Variants in C2orf49 observed in about 807,000 individuals in gnomAD.
C2orf49 encodes tRNA-splicing ligase complex subunit ASW.
C2orf49 carries 11 observed loss-of-function variants against 20.6 expected under a neutral mutation model. The ratio of observed to expected loss-of-function variants is 0.53; its 90% CI spans 0.34 to 0.88. The LOEUF is 0.88. Among genes scored for constraint, C2orf49 ranks in the 40% least tolerant of loss-of-function variants. The probability of loss-of-function intolerance (pLI) is 0.02; values close to 1 mark genes in which losing one functional copy is unlikely to be tolerated. For synonymous variants in C2orf49, 134 were observed against 108.5 expected (o/e 1.24, Z -1.46); for missense variants, 289 against 274.2 (o/e 1.05, Z -0.38).
the C2orf49 span, among the ~76,000 whole-genome samples, chr2:105,370,096 G>A: frequency 9.9e-5 from 15 of 152,194 alleles, no homozygotes; most frequent in Non-Finnish European, 1.6e-4. Context: ...AAATGAGGCT[G>A]GCTGCGGTGC....
chr2:105,344,551 T>TA (rs1679760327), intron 3 of C2orf49, among the ~76,000 whole-genome samples: 1 of 152,062 alleles, frequency 6.6e-6, no homozygotes, highest in Non-Finnish European at 1.5e-5. Context: ...TTCTTCTTAT[T>TA]AACATTTCCC....
the C2orf49 span, among the ~76,000 whole-genome samples, chr2:105,379,888 G>A: frequency 5.3e-5 from 8 of 152,316 alleles, no homozygotes; most frequent in Admixed American, 1.3e-4. Flanking sequence ...CATGTGCCAC[G>A]CCGGCGACCT....
chr2:105,341,558 T>C (rs904451349), intron 2 of C2orf49, among the ~76,000 whole-genome samples: 1 of 152,234 alleles, frequency 6.6e-6, no homozygotes, highest in Non-Finnish European at 1.5e-5. Context: ...AAGCAAGCTG[T>C]CAAACCCTGC....
At chr2:105,384,042 G>A in the C2orf49 span, among the ~76,000 whole-genome samples, 6 of 152,292 alleles carry the variant, frequency 3.9e-5, no homozygotes, top group East Asian at 5.8e-4. Context: ...AAGGATGACG[G>A]CTTTTAAGGG....
chr2:105,361,248 G>A, the C2orf49 span: 3 of 1,593,412 alleles, frequency 1.9e-6, no homozygotes, highest in Middle Eastern at 1.7e-4. Flanking sequence ...AAATCTGTGT[G>A]TGAGATCACA....
the C2orf49 span, among the ~76,000 whole-genome samples, chr2:105,371,653 C>T: frequency 6.6e-6 from 1 of 151,900 alleles, no homozygotes; most frequent in African/African-American, 2.4e-5. Flanking sequence ...CACAGAAAGT[C>T]AAGACAGGTG....
At chr2:105,361,147 G>T in the C2orf49 span, 1 of 870,008 alleles carries the variant, frequency 1.1e-6, no homozygotes, top group Non-Finnish European at 1.8e-6. Flanking sequence ...TTAAGCAAAC[G>T]TGAGTATCAC....
chr2:105,358,384 G>C, the C2orf49 span: 16 of 152,406 alleles, frequency 1.0e-4, no homozygotes, highest in Non-Finnish European at 8.8e-5. Context: ...CTCCCAATGT[G>C]GAGCCTCCGC....
the C2orf49 span, among the ~76,000 whole-genome samples, chr2:105,364,154 G>C: frequency 6.6e-6 from 1 of 152,174 alleles, no homozygotes; most frequent in African/African-American, 2.4e-5. Context: ...TACTCAGGAG[G>C]CTAAGGCAGG....
chr2:105,376,873 G>C, the C2orf49 span: 1 of 152,238 alleles, frequency 6.6e-6, no homozygotes, highest in Non-Finnish European at 1.5e-5. Context: ...CAGCATGGAT[G>C]AATCTTGAGG....
At position 105,347,866 on chromosome 2, in the gene C2orf49, C is replaced by G. The variant is rs1206677630; in HGVS notation, c.*2495C>G. ...CTAACATGAGGCGGGTAATGTTGCT[C>G]TAGATTCTATATTCCAGTAAAGCCA... On this transcript the variant is annotated 3_prime_UTR_variant, in exon 4 of 4. Transcript: ENST00000258457. 4.6e-5 allele frequency: 7 copies of G among 152,146 alleles called. No homozygotes were observed. Among genetic ancestry groups the G allele is most frequent in the Non-Finnish European group, 8.8e-5 (6 of 68,040 alleles). The allele number at this position is 152,146 out of a possible 1,614,324, so 9.4% of individuals were successfully genotyped here.
At chr2:105,340,233 G>A (rs1247759495) in intron 2 of C2orf49, among the ~76,000 whole-genome samples, 2 of 152,224 alleles carry the variant, frequency 1.3e-5, no homozygotes, top group African/African-American at 4.8e-5. Flanking sequence ...ATCATGTAAA[G>A]CTTTGTAAGT....
At chr2:105,365,201 C>T in the C2orf49 span, among the ~76,000 whole-genome samples, 11 of 152,290 alleles carry the variant, frequency 7.2e-5, no homozygotes, top group South Asian at 2.3e-3. Flanking sequence ...TCCCTCCATT[C>T]CACACTCTGC....
the C2orf49 span, among the ~76,000 whole-genome samples, chr2:105,356,207 G>A: frequency 2.6e-5 from 4 of 152,086 alleles, no homozygotes; most frequent in South Asian, 2.1e-4. Context: ...CCTGGCCAAC[G>A]TGGTGAAACC....
At chr2:105,362,248 G>A in the C2orf49 span, among the ~76,000 whole-genome samples, 2 of 152,176 alleles carry the variant, frequency 1.3e-5, no homozygotes, top group East Asian at 1.9e-4. Context: ...GTATATAAAT[G>A]ACCAGAAACA....
chr2:105,380,758 C>T, the C2orf49 span, among the ~76,000 whole-genome samples: 1 of 151,872 alleles, frequency 6.6e-6, no homozygotes, highest in Admixed American at 6.6e-5. Context: ...TTAAATTCCT[C>T]TAGAGAGAAA....
chr2:105,343,010 A>G lies in C2orf49; in HGVS notation c.429A>G (p.Ser143=). ...CCAGTAATGCCTTTAGAAAATTATC[A>G]AATTCCTCTTCGAGTGTTTCACCCC... ...SFTSNAFRKL[S]NSSSSVSPLI... is the part of the protein sequence containing the mutation. Residue 143 remains serine (S), a synonymous_variant, in exon 3 of 4, where the codon TCA becomes TCG. Transcript: ENST00000258457. 1 of 1,614,252 alleles carries G rather than the reference A, an allele frequency of 6.2e-7. No homozygotes were observed. Among genetic ancestry groups the G allele is most frequent in the Non-Finnish European group, 8.5e-7 (1 of 1,180,048 alleles).
chr2:105,385,345 A>C, the C2orf49 span, among the ~76,000 whole-genome samples: 1 of 152,228 alleles, frequency 6.6e-6, no homozygotes, highest in Non-Finnish European at 1.5e-5. Context: ...AATAGAAGGA[A>C]CACATGTTGG....
chr2:105,367,665 T>A, the C2orf49 span: 1 of 1,614,228 alleles, frequency 6.2e-7, no homozygotes, highest in Non-Finnish European at 8.5e-7. Context: ...TTGGTTCCAA[T>A]TGGCTGCTGG....
Sources: gnomAD v4.1 joint callset for allele counts (sites outside exome capture counted in the v4.1 genomes callset) on GRCh38, gnomAD v4.1.1 for gene constraint, MANE v1.5 for transcripts, NCBI Gene and HGNC (gene_info 2026-07-23, HGNC 2026-07-21) for gene names.